Variants in DIAPH3 observed in about 807,000 individuals in gnomAD.
The protein encoded by DIAPH3 is protein diaphanous homolog 3.
DIAPH3 carries 117 observed loss-of-function variants against 144.3 expected under a neutral mutation model. That is an observed-to-expected ratio of 0.81 (90% CI 0.70 to 0.95). DIAPH3 has a LOEUF of 0.95. Among genes scored for constraint, DIAPH3 ranks in the 40% least tolerant of loss-of-function variants. The pLI is 0.00. For missense variants in DIAPH3, 1,421 were observed against 1,412.7 expected (o/e 1.01, Z -0.09); for synonymous variants, 519 against 488.9 (o/e 1.06, Z -0.81).
chr13:60,158,078 T>C (rs1212444402), intron 1 of DIAPH3, among the ~76,000 whole-genome samples: 1 of 152,146 alleles, frequency 6.6e-6, no homozygotes, highest in Non-Finnish European at 1.5e-5. Context: ...GGGCTTCCCT[T>C]ATGCAAAAAG....
intron 2 of DIAPH3, among the ~76,000 whole-genome samples, chr13:60,119,368 T>C (rs1481145204): frequency 1.3e-5 from 2 of 152,070 alleles, no homozygotes; most frequent in Non-Finnish European, 2.9e-5. Flanking sequence ...CAGCCAACAT[T>C]TTTACCGCAA....
chr13:59,898,878 T>C (rs773427217), intron 20 of DIAPH3, among the ~76,000 whole-genome samples: 2 of 152,114 alleles, frequency 1.3e-5, no homozygotes, highest in Non-Finnish European at 2.9e-5. Flanking sequence ...AAGATTAACA[T>C]TTGAGTAGGT....
chr13:59,821,747 C>T (rs1169893766), intron 24 of DIAPH3, among the ~76,000 whole-genome samples: 1 of 152,046 alleles, frequency 6.6e-6, no homozygotes, highest in Non-Finnish European at 1.5e-5. Flanking sequence ...TCTAGTATTA[C>T]CAAATCCAAT....
rs1490849712 is a variant in DIAPH3, at chr13:60,015,925, C to G, written c.759G>C (p.Leu253=). Residue 253 remains leucine, a synonymous_variant, in exon 7 of 28, where the codon CTG becomes CTC. Coordinates refer to ENST00000400324, the MANE Select transcript of DIAPH3 (RefSeq NM_001042517.2). ...QHKVIQCLKA[L]MNTQYGLERI... ...CGTATGTACATACCTGCGTATTCATCAGGGCTTTTAGACACTGTATGACTT... is the reference window on the plus strand; with the variant it reads ...CGTATGTACATACCTGCGTATTCATGAGGGCTTTTAGACACTGTATGACTT... 4 of 1,612,730 alleles carry G rather than the reference C, an allele frequency of 2.5e-6. No individual in the cohort carries two copies. Among genetic ancestry groups the G allele is most frequent in the Non-Finnish European group, 3.4e-6 (4 of 1,179,504 alleles).
chr13:59,879,074 T>C (rs2044823455), intron 21 of DIAPH3, among the ~76,000 whole-genome samples, 155 bp downstream of exon 21: 1 of 152,142 alleles, frequency 6.6e-6, no homozygotes, highest in African/African-American at 2.4e-5. Flanking sequence ...GTTGAGTAAA[T>C]TAGCTCAGTT....
chr13:59,741,470 T>G (rs1175635302), intron 27 of DIAPH3, among the ~76,000 whole-genome samples: 1 of 151,636 alleles, frequency 6.6e-6, no homozygotes, highest in Admixed American at 6.6e-5. Flanking sequence ...AGTAAGAAAG[T>G]GGGGGGCCAG....
At chr13:59,836,089 G>T (rs1243812981) in intron 23 of DIAPH3, among the ~76,000 whole-genome samples, 1 of 151,908 alleles carries the variant, frequency 6.6e-6, no homozygotes, top group East Asian at 1.9e-4. Flanking sequence ...ATATATAAAT[G>T]TCTAGCAAAA....
intron 1 of DIAPH3, among the ~76,000 whole-genome samples, chr13:60,146,535 G>C (rs181721808): frequency 1.2e-4 from 19 of 152,300 alleles, no homozygotes; most frequent in Non-Finnish European, 2.6e-4. Flanking sequence ...ATTTGATACA[G>C]AGCGGCCCAA....
chr13:60,013,139 G>C (rs1256101526), intron 7 of DIAPH3: 1 of 985,114 alleles, frequency 1.0e-6, no homozygotes, highest in Non-Finnish European at 1.2e-6. Flanking sequence ...TATCTTTCCT[G>C]AATGTCAAGG....
chr13:59,748,300 T>C (rs927198663), intron 27 of DIAPH3, among the ~76,000 whole-genome samples: 1 of 152,214 alleles, frequency 6.6e-6, no homozygotes, highest in Non-Finnish European at 1.5e-5. Context: ...TCTAGTTCTC[T>C]AGAGGGCTGC....
intron 1 of DIAPH3, among the ~76,000 whole-genome samples, chr13:60,152,198 C>A (rs756751976): frequency 1.4e-4 from 22 of 152,046 alleles, no homozygotes; most frequent in Non-Finnish European, 2.8e-4. Context: ...TTAATCTACT[C>A]AGGGCTTTTA....
At position 60,021,314 on chromosome 13, in the gene DIAPH3, TGAAA is replaced by T. The variant is rs1484733631; in HGVS notation, c.627-5173_627-5170del. The stretch of plus-strand genomic sequence containing the variant: ...TCCCAGCTTGGTTAGAGAGATGAGA[TGAAA>T]GAAAGAGAGTCAAAGCATAAAAAGG... On this transcript the variant is annotated intron_variant, in intron 5 of 27. Transcript: ENST00000400324. 3.3e-5 allele frequency among the ~76,000 whole-genome samples: 5 copies of T among 152,154 alleles called. No homozygotes were observed. The South Asian group carries it at 1.0e-3, about 32-fold the overall frequency.
At chr13:59,911,560 T>C (rs1214923092) in intron 20 of DIAPH3, among the ~76,000 whole-genome samples, 175 bp downstream of exon 20, 3 of 152,216 alleles carry the variant, frequency 2.0e-5, no homozygotes. Flanking sequence ...AGTTTCAATA[T>C]ATATTTTAAA....
chr13:59,666,860 A>AAAAGAAACATAAAACTTATCACC lies in DIAPH3; in HGVS notation c.3320-37_3320-15dup. ...CTTTCTGATTTTCTACAGTAAGGAA[A>AAAAGAAACATAAAACTTATCACC]AAAGAAACATAAAACTTATCACCAT... On this transcript the variant is annotated splice_polypyrimidine_tract_variant and intron_variant, in intron 27 of 27. Transcript: ENST00000400324. 1.2e-6 allele frequency: 2 copies of AAAAGAAACATAAAACTTATCACC among 1,614,104 alleles called. No homozygotes were observed. Among genetic ancestry groups the AAAAGAAACATAAAACTTATCACC allele is most frequent in the Non-Finnish European group, 1.7e-6 (2 of 1,179,960 alleles).
intron 20 of DIAPH3, among the ~76,000 whole-genome samples, chr13:59,906,733 A>G (rs1051258925): frequency 1.3e-5 from 2 of 152,256 alleles, no homozygotes; most frequent in Non-Finnish European, 1.5e-5. Flanking sequence ...ACAGAATTAA[A>G]TAACGTGGAG....
chr13:60,026,383 A>C (rs1479082347), intron 5 of DIAPH3, among the ~76,000 whole-genome samples: 1 of 152,192 alleles, frequency 6.6e-6, no homozygotes, highest in Non-Finnish European at 1.5e-5. Flanking sequence ...CTATATATTA[A>C]AGGGAAATCG....
intron 5 of DIAPH3, among the ~76,000 whole-genome samples, chr13:60,018,958 C>T (rs1259395703): frequency 6.6e-6 from 1 of 152,056 alleles, no homozygotes; most frequent in African/African-American, 2.4e-5. Flanking sequence ...AATTTGCAAA[C>T]TCAACATACT....
intron 2 of DIAPH3, among the ~76,000 whole-genome samples, chr13:60,113,885 AC>A (rs1222560796): frequency 1.3e-5 from 2 of 152,116 alleles, no homozygotes; most frequent in African/African-American, 2.4e-5. Context: ...GTCTACACCC[AC>A]CTACCAACTC....
chr13:59,857,388 A>G (rs1437482483), intron 22 of DIAPH3, among the ~76,000 whole-genome samples: 2 of 152,200 alleles, frequency 1.3e-5, no homozygotes, highest in Admixed American at 6.5e-5. Context: ...GACAAATATT[A>G]GGGTCAAATC....
Sources: gnomAD v4.1 joint callset for allele counts (sites outside exome capture counted in the v4.1 genomes callset) on GRCh38, gnomAD v4.1.1 for gene constraint, MANE v1.5 for transcripts, NCBI Gene and HGNC (gene_info 2026-07-23, HGNC 2026-07-21) for gene names.